The following FAM222A variants were observed in gnomAD, a reference collection of about 807,000 sequenced individuals.
The protein encoded by FAM222A is protein FAM222A.
In FAM222A, 7 loss-of-function variants were observed where a neutral mutation model predicts 25.8. The ratio of observed to expected loss-of-function variants is 0.27; its 90% CI spans 0.15 to 0.51. The LOEUF is 0.51. FAM222A is among the 20% of genes least tolerant of loss of function. FAM222A has a pLI of 0.97. For missense variants in FAM222A, 573 were observed against 640.5 expected (o/e 0.89, Z 1.14); for synonymous variants, 294 against 298.8 (o/e 0.98, Z 0.17).
chr12:109,734,342 G>C (rs1244589424), intron 1 of FAM222A: 3 of 152,318 alleles, frequency 2.0e-5, no homozygotes, highest in South Asian at 2.1e-4. Context: ...GGGGCACAGG[G>C]ACGGGCAGGA....
chr12:109,767,927 G>A (rs1398890902), intron 2 of FAM222A, 85 bp from the exon 3 acceptor site: 4 of 1,322,884 alleles, frequency 3.0e-6, no homozygotes, highest in African/African-American at 2.9e-5. Flanking sequence ...TGGGAAATGA[G>A]TGGAGGGGGC....
chr12:109,745,497 TG>T (rs1372978003), intron 2 of FAM222A, among the ~76,000 whole-genome samples: 1 of 152,254 alleles, frequency 6.6e-6, no homozygotes, highest in East Asian at 1.9e-4. Flanking sequence ...GATGTGTGTT[TG>T]GCATTTTGAT....
intron 1 of FAM222A, among the ~76,000 whole-genome samples, chr12:109,739,910 C>T (rs904859860): frequency 1.3e-5 from 2 of 152,190 alleles, no homozygotes; most frequent in Admixed American, 1.3e-4. Context: ...GGGCTTGGTA[C>T]AGAGGGCAGT....
chr12:109,743,980 G>A, intron 1 of FAM222A, 121 bp from the exon 2 acceptor site: 2 of 1,418,390 alleles, frequency 1.4e-6, no homozygotes, highest in Non-Finnish European at 1.8e-6. Context: ...AAGGGAAATG[G>A]GTGTCTGCTT....
At chr12:109,720,443 A>C (rs1366093719) in intron 1 of FAM222A, among the ~76,000 whole-genome samples, 2 of 152,176 alleles carry the variant, frequency 1.3e-5, no homozygotes, top group Non-Finnish European at 2.9e-5. Flanking sequence ...TGAGCTTGGC[A>C]CTGGGGGAGG....
chr12:109,729,435 G>T (rs1887901324), intron 1 of FAM222A, among the ~76,000 whole-genome samples: 1 of 152,114 alleles, frequency 6.6e-6, no homozygotes, highest in Admixed American at 6.5e-5. Context: ...ATCTCCCTGA[G>T]CCCCTCAAGA....
In FAM222A at chr12:109,768,456, C is replaced by T. The variant is rs1889128354; in HGVS notation, c.527C>T (p.Ala176Val). 1 of 1,601,780 alleles carries T rather than the reference C, an allele frequency of 6.2e-7. No homozygotes were observed. The highest frequency in any genetic ancestry group is 2.2e-5 in the East Asian group (1 of 44,840). Residue 176 changes from alanine to valine, a missense_variant, in exon 3 of 3, where the codon GCC becomes GTC. Coordinates refer to ENST00000538780, the MANE Select transcript of FAM222A (RefSeq NM_032829.3). ...PAPPPGLPAA[A>V]TAASVIPLPG... ...CCACCACCCGGCCTGCCCGCAGCCG[C>T]CACTGCCGCCTCCGTCATCCCCCTG...
intron 2 of FAM222A, among the ~76,000 whole-genome samples, chr12:109,754,025 A>C (rs1431154961): frequency 1.3e-5 from 2 of 152,134 alleles, no homozygotes; most frequent in Non-Finnish European, 2.9e-5. Flanking sequence ...GATAGATCTC[A>C]ACCCTGTTTA....
chr12:109,752,034 T>C (rs1478721273), intron 2 of FAM222A, among the ~76,000 whole-genome samples: 1 of 152,228 alleles, frequency 6.6e-6, no homozygotes, highest in Non-Finnish European at 1.5e-5. Context: ...TCTTTGTACA[T>C]GTGCATCTGT....
chr12:109,748,304 C>T (rs984737808), intron 2 of FAM222A, among the ~76,000 whole-genome samples: 5 of 145,272 alleles, frequency 3.4e-5, no homozygotes, highest in African/African-American at 7.6e-5. Flanking sequence ...GCCTCAGTCT[C>T]GTCAAAGAGA....
intron 2 of FAM222A, among the ~76,000 whole-genome samples, chr12:109,763,952 G>A (rs957099193): frequency 1.3e-5 from 2 of 152,090 alleles, no homozygotes; most frequent in African/African-American, 2.4e-5. Flanking sequence ...GGGTGCCGTG[G>A]CATCTCAAAG....
intron 2 of FAM222A, among the ~76,000 whole-genome samples, chr12:109,745,078 C>T (rs1397154562): frequency 2.0e-5 from 3 of 152,068 alleles, no homozygotes; most frequent in Admixed American, 1.3e-4. Flanking sequence ...TGTTATGCAA[C>T]ACTTGGAGGA....
chr12:109,755,990 G>A (rs904227571), intron 2 of FAM222A, among the ~76,000 whole-genome samples: 5 of 152,186 alleles, frequency 3.3e-5, no homozygotes, highest in African/African-American at 4.8e-5. Context: ...GTCAAGTTCT[G>A]CAAAGAAGCC....
chr12:109,769,573 GGA>G lies in FAM222A; in HGVS notation c.*292_*293del, dbSNP rs1056091620. The G allele has an allele frequency of 1.7e-5, 8 of 482,016 alleles. No homozygotes were observed. Among genetic ancestry groups the G allele is most frequent in the Admixed American group, 1.1e-4 (3 of 26,788 alleles). The allele number at this position is 482,016 out of a possible 1,614,324, so 29.9% of individuals were successfully genotyped here. The stretch of plus-strand genomic sequence containing the variant: ...CCTTTATCTAAGCTGGCAGAGGCAG[GGA>G]GAGAGAAACCACTCAAAAACAGGAA... On this transcript the variant is annotated 3_prime_UTR_variant, in exon 3 of 3. Coordinates refer to ENST00000538780, the MANE Select transcript of FAM222A (RefSeq NM_032829.3).
Position 109,768,981 on chromosome 12 carries a change from G to A in FAM222A, c.1052G>A (p.Ser351Asn), listed in dbSNP as rs748301830. The change falls in exon 3 of 3, where the codon AGT (serine) becomes AAT (asparagine). Residue 351 changes from serine to asparagine, a missense_variant. Physicochemically the swap from Ser to Asn is conservative, Grantham distance 46. This residue lies in a region of FAM222A where 412 missense variants were observed against 407.0 expected (regional missense o/e 1.01). Coordinates refer to ENST00000538780, the MANE Select transcript of FAM222A (RefSeq NM_032829.3). ...VGQYFAAPWN[S>N]VLVTPTSDCY... ...CAGTACTTTGCGGCCCCGTGGAACA[G>A]TGTGCTGGTGACACCCACCAGCGAC... 1.9e-6 allele frequency: 3 copies of A among 1,573,066 alleles called. No homozygotes were observed. The Admixed American group carries it at 5.5e-5, about 29-fold the overall frequency.
At chr12:109,746,519 A>G (rs922425511) in intron 2 of FAM222A, among the ~76,000 whole-genome samples, 1 of 152,124 alleles carries the variant, frequency 6.6e-6, no homozygotes, top group African/African-American at 2.4e-5. Flanking sequence ...TATGCTCTCT[A>G]TATGACTTAT....
At chr12:109,761,199 G>C (rs995157529) in intron 2 of FAM222A, among the ~76,000 whole-genome samples, 1 of 152,200 alleles carries the variant, frequency 6.6e-6, no homozygotes, top group Non-Finnish European at 1.5e-5. Flanking sequence ...CAGAGTCCAC[G>C]AATTCCACCT....
Position 109,768,475 on chromosome 12 carries a change from C to T in FAM222A, c.546C>T (p.Ile182=), listed in dbSNP as rs1555203091. The change falls in exon 3 of 3, where the codon ATC becomes ATT. Residue 182 remains isoleucine (I), a synonymous_variant. Coordinates refer to ENST00000538780, the MANE Select transcript of FAM222A (RefSeq NM_032829.3). The part of the protein sequence containing the change: ...LPAAATAASV[I]PLPGRGLPLP... The stretch of plus-strand genomic sequence containing the variant: ...CAGCCGCCACTGCCGCCTCCGTCAT[C>T]CCCCTGCCGGGCCGGGGCCTGCCCC... The T allele has an allele frequency of 4.4e-6, 7 of 1,603,664 alleles. No homozygotes were observed. Among genetic ancestry groups the T allele is most frequent in the South Asian group, 3.3e-5 (3 of 90,974 alleles).
chr12:109,728,263 G>A (rs1304206551), intron 1 of FAM222A, among the ~76,000 whole-genome samples: 1 of 152,266 alleles, frequency 6.6e-6, no homozygotes, highest in Middle Eastern at 3.4e-3. Flanking sequence ...CTGGGTCCCT[G>A]CCACAGCCCA....
Sources: gnomAD v4.1 joint callset for allele counts (sites outside exome capture counted in the v4.1 genomes callset) on GRCh38, gnomAD v4.1.1 for gene constraint, gnomAD v4.1.1 regional missense constraint, MANE v1.5 for transcripts, NCBI Gene and HGNC (gene_info 2026-07-23, HGNC 2026-07-21) for gene names.